ASTN2: variants seen among roughly 807,000 people sequenced by gnomAD.
ASTN2 encodes the protein astrotactin-2.
In ASTN2, 54 loss-of-function variants were observed where a neutral mutation model predicts 139.8. The ratio of observed to expected loss-of-function variants is 0.39; its 90% CI spans 0.31 to 0.48. The LOEUF (loss-of-function observed/expected upper bound fraction) is 0.48. Among genes scored for constraint, ASTN2 ranks in the 20% least tolerant of loss-of-function variants. The pLI is 0.95. For synonymous variants in ASTN2, 756 were observed against 719.5 expected, an observed-to-expected ratio of 1.05 and a Z score of -0.81; for missense variants, 1,565 against 1,725.1, an observed-to-expected ratio of 0.91 and a Z score of 1.64.
intron 20 of ASTN2, among the ~76,000 whole-genome samples, chr9:116,455,505 G>C (rs914595843): frequency 1.3e-5 from 2 of 151,918 alleles, no homozygotes; most frequent in East Asian, 3.9e-4. Flanking sequence ...TGTCCAAAAA[G>C]AAATAAGAAA....
At chr9:117,012,599 A>G (rs372498304) in intron 6 of ASTN2, among the ~76,000 whole-genome samples, 3 of 152,328 alleles carry the variant, frequency 2.0e-5, no homozygotes, top group South Asian at 2.1e-4. Context: ...CCTGAAAAAT[A>G]TAGGCATTGT....
At chr9:116,658,237 C>T (rs1476667807) in intron 16 of ASTN2, among the ~76,000 whole-genome samples, 1 of 152,124 alleles carries the variant, frequency 6.6e-6, no homozygotes, top group South Asian at 2.1e-4. Flanking sequence ...ACTTGGAGAA[C>T]TTGGATATAT....
At chr9:117,098,579 C>T (rs745811687) in intron 4 of ASTN2, among the ~76,000 whole-genome samples, 2 of 152,176 alleles carry the variant, frequency 1.3e-5, no homozygotes, top group Non-Finnish European at 1.5e-5. Flanking sequence ...CTTCCCCAAT[C>T]CCCAGCAACT....
intron 19 of ASTN2, among the ~76,000 whole-genome samples, chr9:116,558,417 G>T (rs1360959186): frequency 6.6e-6 from 1 of 151,952 alleles, no homozygotes; most frequent in Non-Finnish European, 1.5e-5. Flanking sequence ...ATTTGCTTAA[G>T]GTAGTGCAGT....
At chr9:117,073,773 TTC>T (rs1457592044) in intron 5 of ASTN2, among the ~76,000 whole-genome samples, 6 of 152,216 alleles carry the variant, frequency 3.9e-5, no homozygotes, top group African/African-American at 1.2e-4. Flanking sequence ...GCGGTGGAAT[TTC>T]TCTGTTACAA....
rs367944154 is a variant in ASTN2, at chr9:116,842,787, T to C, written c.2040+20796A>G. ...CAAAAAGGATTACAGGGATCAATAGTCCTTGGTAATGAAGGACAGCAGCTG... is the reference window on the plus strand; with the variant it reads ...CAAAAAGGATTACAGGGATCAATAGCCCTTGGTAATGAAGGACAGCAGCTG... On this transcript the variant is annotated intron_variant, in intron 11 of 22. Coordinates refer to ENST00000313400, the MANE Select transcript of ASTN2 (RefSeq NM_001365068.1). Among the ~76,000 whole-genome samples the C allele has an allele frequency of 1.3e-3, 199 of 151,884 alleles. 3 individuals are homozygous for C. In the South Asian group the frequency reaches 0.04, roughly 30 times the overall value.
At chr9:116,822,212 C>A (rs1831505901) in intron 11 of ASTN2, among the ~76,000 whole-genome samples, 1 of 151,238 alleles carries the variant, frequency 6.6e-6, no homozygotes, top group Non-Finnish European at 1.5e-5. Flanking sequence ...AAAGGTCAGC[C>A]CTCTTGGAAA....
chr9:116,442,361 G>A (rs1197967720), intron 21 of ASTN2, 92 bp downstream of exon 21: 4 of 967,816 alleles, frequency 4.1e-6, no homozygotes, highest in Non-Finnish European at 6.8e-6. Context: ...GTCAGGGTGT[G>A]CGTGTGTGTG....
chr9:116,446,272 T>G (rs4076367), intron 20 of ASTN2, among the ~76,000 whole-genome samples: 2,994 of 118,808 alleles, frequency 0.025, 5 homozygotes, highest in East Asian at 0.042. Context: ...GAGAGAGAGA[T>G]AGAGAGAGAG....
chr9:116,529,504 C>T (rs1005394740), intron 19 of ASTN2, among the ~76,000 whole-genome samples: 3 of 152,046 alleles, frequency 2.0e-5, no homozygotes, highest in Non-Finnish European at 4.4e-5. Flanking sequence ...AGACTTTGGA[C>T]TTGGAATTTG....
chr9:117,253,758 T>C (rs1833605113), intron 2 of ASTN2, among the ~76,000 whole-genome samples: 1 of 152,120 alleles, frequency 6.6e-6, no homozygotes, highest in Non-Finnish European at 1.5e-5. Context: ...AAACAGGAGC[T>C]GGGGCAGAAT....
intron 20 of ASTN2, among the ~76,000 whole-genome samples, chr9:116,462,367 T>A (rs976165228): frequency 6.6e-6 from 1 of 152,196 alleles, no homozygotes; most frequent in African/African-American, 2.4e-5. Flanking sequence ...GAGCAATGAT[T>A]CAAACCCAAA....
chr9:116,827,172 G>A (rs143877621), intron 11 of ASTN2, among the ~76,000 whole-genome samples: 9 of 151,780 alleles, frequency 5.9e-5, no homozygotes, highest in Non-Finnish European at 8.8e-5. Context: ...AGCCGGGTGC[G>A]GTGGTGCATG....
Position 116,651,702 on chromosome 9 carries a change from A to G in ASTN2, c.2898T>C (p.Asp966=). 1 of 1,614,192 alleles carries G rather than the reference A, an allele frequency of 6.2e-7. No homozygotes were observed. Among genetic ancestry groups the G allele is most frequent in the Non-Finnish European group, 8.5e-7 (1 of 1,180,040 alleles). Residue 966 remains aspartate (D), a synonymous_variant, in exon 17 of 23, where the codon GAT becomes GAC. Coordinates refer to ENST00000313400, the MANE Select transcript of ASTN2 (RefSeq NM_001365068.1). ...SGLLTAQMLS[D]DQLISGVEIR... is the part of the protein sequence containing the mutation. ...TCTCCACACCTGAAATGAGCTGGTC[A>G]TCTGACAGCATCTGGGCTGTCAGCA...
At chr9:116,891,049 G>T (rs16934021) in intron 10 of ASTN2, among the ~76,000 whole-genome samples, 2 of 152,086 alleles carry the variant, frequency 1.3e-5, no homozygotes, top group Non-Finnish European at 2.9e-5. Context: ...CAAAGCAAAA[G>T]TTCTTAGAGC....
rs1387959008 is a variant in ASTN2, at chr9:117,225,561, A to G, written c.631-10819T>C. On this transcript the variant is annotated intron_variant, in intron 2 of 22. Transcript: ENST00000313400. ...TATATATATATATATATATATATAT[A>G]TATATATATATATACAGATGAACCC... Among the ~76,000 whole-genome samples, 39 of 112,268 alleles carry G rather than the reference A, an allele frequency of 3.5e-4. 5 individuals are homozygous for G. Among genetic ancestry groups the G allele is most frequent in the East Asian group, 2.1e-3 (5 of 2,370 alleles). The allele number at this position is 112,268 out of a possible 152,430, so 73.7% of individuals were successfully genotyped here.
chr9:116,637,108 G>A (rs1438858972), intron 17 of ASTN2, among the ~76,000 whole-genome samples: 1 of 152,076 alleles, frequency 6.6e-6, no homozygotes, highest in Non-Finnish European at 1.5e-5. Flanking sequence ...AGAACCATGA[G>A]GAAATAAAAT....
chr9:116,989,587 T>G (rs1836787127), intron 7 of ASTN2, among the ~76,000 whole-genome samples: 1 of 4,574 alleles, frequency 2.2e-4, no homozygotes, highest in East Asian at 0.013. Context: ...TATATTTGGG[T>G]TTTTTTTTTT....
At chr9:117,103,815 G>C (rs557614382) in intron 4 of ASTN2, among the ~76,000 whole-genome samples, 36 of 152,280 alleles carry the variant, frequency 2.4e-4, no homozygotes, top group Admixed American at 2.0e-3. Context: ...AATACAAATG[G>C]TCCCAGTCAT....
Sources: allele counts gnomAD v4.1 joint callset (sites outside exome capture counted in the v4.1 genomes callset), GRCh38; gene constraint gnomAD v4.1.1; transcripts MANE v1.5; gene names NCBI Gene and HGNC (gene_info 2026-07-23, HGNC 2026-07-21).